TAFA2: variants seen among roughly 807,000 people sequenced by gnomAD.
TAFA2 encodes TAFA chemokine like family member 2.
TAFA2 carries 7 observed loss-of-function variants against 18.8 expected under a neutral mutation model. The ratio of observed to expected loss-of-function variants is 0.37; its 90% CI spans 0.21 to 0.70. TAFA2 has a LOEUF of 0.70. TAFA2 is among the 30% of genes least tolerant of loss of function. The probability of loss-of-function intolerance (pLI) is 0.53; values close to 1 mark genes in which losing one functional copy is unlikely to be tolerated. For synonymous variants in TAFA2, 60 were observed against 54.2 expected (o/e 1.11, Z -0.47); for missense variants, 122 against 158.1 (o/e 0.77, Z 1.23).
At chr12:62,185,512 G>A (rs923725909) in intron 1 of TAFA2, among the ~76,000 whole-genome samples, 7 of 152,168 alleles carry the variant, frequency 4.6e-5, no homozygotes, top group African/African-American at 1.4e-4. Context: ...AGCCATTTCT[G>A]AGAAATTTTC....
chr12:61,934,827 C>A (rs193044681), intron 1 of TAFA2, among the ~76,000 whole-genome samples: 1 of 152,104 alleles, frequency 6.6e-6, no homozygotes, highest in African/African-American at 2.4e-5. Flanking sequence ...AGTAAATAGA[C>A]CAAAGTCTAA....
intron 1 of TAFA2, among the ~76,000 whole-genome samples, chr12:62,085,247 G>T (rs1239432015): frequency 6.6e-6 from 1 of 152,124 alleles, no homozygotes; most frequent in Non-Finnish European, 1.5e-5. Flanking sequence ...AAAATGAAAA[G>T]TGCATCTATT....
chr12:61,911,042 C>A (rs61940963), intron 1 of TAFA2, among the ~76,000 whole-genome samples: 1 of 151,944 alleles, frequency 6.6e-6, no homozygotes, highest in Non-Finnish European at 1.5e-5. Context: ...CAGATGTTCA[C>A]GAAGGTTGTG....
At chr12:61,715,525 A>AT (rs972996396) in intron 4 of TAFA2, among the ~76,000 whole-genome samples, 12 of 150,730 alleles carry the variant, frequency 8.0e-5, no homozygotes, top group Non-Finnish European at 1.3e-4. Flanking sequence ...ATTTTTTTGT[A>AT]TTTTTTTTAG....
At chr12:62,143,643 C>T (rs1312908170) in intron 1 of TAFA2, among the ~76,000 whole-genome samples, 1 of 152,144 alleles carries the variant, frequency 6.6e-6, no homozygotes, top group African/African-American at 2.4e-5. Context: ...AGCAGTAGCC[C>T]TGACACTTCT....
At chr12:61,751,728 C>G (rs1869025060) in intron 4 of TAFA2, among the ~76,000 whole-genome samples, 1 of 152,030 alleles carries the variant, frequency 6.6e-6, no homozygotes, top group Non-Finnish European at 1.5e-5. Flanking sequence ...ATTTTCCCTA[C>G]TCATGAGTTC....
chr12:61,849,412 A>G lies in TAFA2; in HGVS notation c.106+17908T>C, dbSNP rs113393809. On this transcript the variant is annotated intron_variant, in intron 2 of 4. Transcript: ENST00000416284. ...AAACTATTTATTTAGGGAAGTAGAC[A>G]TGTTCACCATGAGTGATCATCTAAG... Among the ~76,000 whole-genome samples the G allele has an allele frequency of 7.9e-5, 12 of 152,322 alleles. 2 individuals carry two copies. The highest frequency in any genetic ancestry group is 2.4e-4 in the African/African-American group (10 of 41,584).
intron 1 of TAFA2, among the ~76,000 whole-genome samples, chr12:62,166,935 CAA>C (rs1202984823): frequency 6.6e-6 from 1 of 152,022 alleles, no homozygotes; most frequent in African/African-American, 2.4e-5. Flanking sequence ...TTGACAAACC[CAA>C]ATGTATGTCA....
intron 4 of TAFA2, among the ~76,000 whole-genome samples, chr12:61,741,986 T>C (rs1449422517): frequency 1.3e-5 from 2 of 152,086 alleles, no homozygotes; most frequent in African/African-American, 2.4e-5. Context: ...AGCCTCCACC[T>C]CCTGGGTTCA....
chr12:61,736,792 G>C (rs1868311453), intron 4 of TAFA2, among the ~76,000 whole-genome samples: 1 of 151,924 alleles, frequency 6.6e-6, no homozygotes, highest in Non-Finnish European at 1.5e-5. Context: ...AAAGTCTTCA[G>C]GCTGTGAATG....
At chr12:62,131,404 A>G (rs1224906575) in intron 1 of TAFA2, among the ~76,000 whole-genome samples, 2 of 152,058 alleles carry the variant, frequency 1.3e-5, no homozygotes, top group African/African-American at 4.8e-5. Flanking sequence ...GTTGCTATGT[A>G]TAATCAATTA....
chr12:62,247,135 AT>A (rs1378191668), intron 1 of TAFA2, among the ~76,000 whole-genome samples: 1 of 151,620 alleles, frequency 6.6e-6, no homozygotes, highest in Non-Finnish European at 1.5e-5. Flanking sequence ...TTACTGTATT[AT>A]TTCCCCCTTC....
intron 3 of TAFA2, among the ~76,000 whole-genome samples, chr12:61,754,480 T>A (rs1869170134): frequency 6.6e-6 from 1 of 151,676 alleles, no homozygotes; most frequent in African/African-American, 2.4e-5. Flanking sequence ...CATGGTGCTA[T>A]TTTTTTTAAT....
At chr12:61,828,621 A>G (rs1233736925) in intron 2 of TAFA2, among the ~76,000 whole-genome samples, 1 of 151,878 alleles carries the variant, frequency 6.6e-6, no homozygotes, top group Non-Finnish European at 1.5e-5. Flanking sequence ...ATAAAATGAA[A>G]TATGGTTTTA....
chr12:62,029,844 T>C (rs1024869092), intron 1 of TAFA2, among the ~76,000 whole-genome samples: 1 of 150,974 alleles, frequency 6.6e-6, no homozygotes, highest in African/African-American at 2.4e-5. Flanking sequence ...TCTCTCTCTG[T>C]CATGCAGACA....
chr12:62,251,401 T>C (rs752806760), intron 1 of TAFA2, among the ~76,000 whole-genome samples: 3 of 152,034 alleles, frequency 2.0e-5, no homozygotes, highest in Non-Finnish European at 4.4e-5. Flanking sequence ...TGAGAGGAAA[T>C]AGAGAGTTTA....
At chr12:61,929,024 G>A (rs1273303812) in intron 1 of TAFA2, among the ~76,000 whole-genome samples, 2 of 152,076 alleles carry the variant, frequency 1.3e-5, no homozygotes, top group Non-Finnish European at 2.9e-5. Flanking sequence ...GAGGAACAAG[G>A]GAAGGAATAG....
intron 1 of TAFA2, among the ~76,000 whole-genome samples, chr12:62,056,462 A>G (rs780204893): frequency 6.6e-6 from 1 of 152,246 alleles, no homozygotes; most frequent in Non-Finnish European, 1.5e-5. Context: ...TAGTGTTTGT[A>G]CATGGCATAA....
intron 1 of TAFA2, among the ~76,000 whole-genome samples, chr12:62,077,051 A>T (rs574641571): frequency 7.9e-4 from 120 of 152,346 alleles, no homozygotes; most frequent in African/African-American, 2.7e-3. Context: ...AAAATATTGC[A>T]AATTCTTCTA....
Sources: allele counts gnomAD v4.1 joint callset (sites outside exome capture counted in the v4.1 genomes callset), GRCh38; gene constraint gnomAD v4.1.1; transcripts MANE v1.5; gene names NCBI Gene and HGNC (gene_info 2026-07-23, HGNC 2026-07-21).